Variants in TADA2A observed in about 807,000 individuals in gnomAD.
The protein encoded by TADA2A is transcriptional adaptor 2A.
In TADA2A, 38 loss-of-function variants were observed where a neutral mutation model predicts 67.4. The observed-to-expected ratio is 0.56, with a 90% CI of 0.44 to 0.74. The LOEUF is 0.74. TADA2A is among the 30% of genes least tolerant of loss of function. TADA2A has a pLI of 0.00. For missense variants in TADA2A, 454 were observed against 547.0 expected, an observed-to-expected ratio of 0.83 and a Z score of 1.70; for synonymous variants, 192 against 181.6, an observed-to-expected ratio of 1.06 and a Z score of -0.46.
At chr17:37,424,623 C>G (rs1213521311) in intron 3 of TADA2A, among the ~76,000 whole-genome samples, 1 of 152,138 alleles carries the variant, frequency 6.6e-6, no homozygotes, top group Non-Finnish European at 1.5e-5. Flanking sequence ...ATGGTGTGAT[C>G]TTGGCTCACC....
At chr17:37,452,694 G>A (rs1028820168) in intron 8 of TADA2A, among the ~76,000 whole-genome samples, 1 of 151,884 alleles carries the variant, frequency 6.6e-6, no homozygotes, top group Non-Finnish European at 1.5e-5. Flanking sequence ...GACAGGTATA[G>A]GCATTCTATG....
intron 8 of TADA2A, among the ~76,000 whole-genome samples, chr17:37,446,821 T>C (rs1284349512): frequency 6.6e-6 from 1 of 152,122 alleles, no homozygotes; most frequent in African/African-American, 2.4e-5. Context: ...ATAGTAATGG[T>C]CGGTGTTTAA....
At chr17:37,460,081 C>A (rs985566673) in intron 9 of TADA2A, among the ~76,000 whole-genome samples, 5 of 149,888 alleles carry the variant, frequency 3.3e-5, no homozygotes, top group African/African-American at 7.4e-5. Context: ...AGAAAAAAAA[C>A]CTTTTTTTTT....
rs1466124888 is a variant in TADA2A, at chr17:37,477,675, G to C, written c.*693G>C. 1 of 151,846 alleles carries C rather than the reference G, an allele frequency of 6.6e-6. No individual in the cohort carries two copies. Among genetic ancestry groups the C allele is most frequent in the Non-Finnish European group, 1.5e-5 (1 of 68,008 alleles). 9.4% of individuals were successfully genotyped at this position (151,846 alleles called of 1,614,324 possible). ...GACAGGGTTTTGTCATGTTGGCCAG[G>C]CTGGTCACAAACTCCTGACCTCAGG... is the stretch of plus-strand genomic sequence containing the variant. On this transcript the variant is annotated 3_prime_UTR_variant, in exon 16 of 16. Coordinates refer to ENST00000615182, the MANE Select transcript of TADA2A (RefSeq NM_001166105.3).
intron 2 of TADA2A, among the ~76,000 whole-genome samples, chr17:37,414,064 C>T (rs4602077): frequency 0.13 from 19,212 of 151,946 alleles, 1,415 homozygotes; most frequent in East Asian, 0.25. Flanking sequence ...GTTTTCTCTT[C>T]CTGTGTTAGT....
At chr17:37,442,542 G>A in intron 6 of TADA2A, 22 bp from the exon 7 acceptor site, 1 of 1,601,678 alleles carries the variant, frequency 6.2e-7, no homozygotes, top group African/African-American at 1.3e-5. Context: ...AGTTAACTCA[G>A]AAACCTTCTA....
Position 37,462,130 on chromosome 17 carries a change from TAGC to T in TADA2A, c.712+12_712+14del. ...CCTTAGAAAGTTTCAATGTAAGTAT[TAGC>T]AGTTTTCTTTATTTTACAATTTTTT... On this transcript the variant is annotated intron_variant, in intron 10 of 15. Coordinates refer to ENST00000615182, the MANE Select transcript of TADA2A (RefSeq NM_001166105.3). 6.6e-7 allele frequency: 1 copy of T among 1,521,796 alleles called. No homozygotes were observed. Among genetic ancestry groups the T allele is most frequent in the South Asian group, 1.2e-5 (1 of 83,116 alleles). The allele number at this position is 1,521,796 out of a possible 1,614,324, so 94.3% of individuals were successfully genotyped here.
intron 14 of TADA2A, among the ~76,000 whole-genome samples, chr17:37,472,138 T>C (rs1388504566): frequency 6.6e-6 from 1 of 152,016 alleles, no homozygotes; most frequent in East Asian, 1.9e-4. Context: ...CGATCTTGGC[T>C]CACTGCAACC....
At chr17:37,449,432 T>C (rs977989337) in intron 8 of TADA2A, among the ~76,000 whole-genome samples, 5 of 152,194 alleles carry the variant, frequency 3.3e-5, no homozygotes, top group African/African-American at 1.2e-4. Context: ...TCATATATAT[T>C]AAGTCATTTA....
chr17:37,460,926 T>C (rs1239589738), intron 9 of TADA2A, among the ~76,000 whole-genome samples: 1 of 151,274 alleles, frequency 6.6e-6, no homozygotes. Flanking sequence ...GCCTAGGAGT[T>C]CAAGGCCAGT....
intron 4 of TADA2A, among the ~76,000 whole-genome samples, chr17:37,431,174 A>G (rs553217261): frequency 2.6e-4 from 39 of 152,224 alleles, no homozygotes; most frequent in African/African-American, 8.7e-4. Context: ...AGATATACAC[A>G]AGAGAGAATG....
At chr17:37,435,179 G>A (rs960305909) in intron 4 of TADA2A, among the ~76,000 whole-genome samples, 1 of 152,164 alleles carries the variant, frequency 6.6e-6, no homozygotes, top group African/African-American at 2.4e-5. Context: ...CCTTTTCAAT[G>A]AACGATGTTA....
At chr17:37,455,953 C>T (rs1202294403) in intron 8 of TADA2A, among the ~76,000 whole-genome samples, 1 of 152,092 alleles carries the variant, frequency 6.6e-6, no homozygotes, top group East Asian at 1.9e-4. Context: ...CCTGTAATTC[C>T]AGCACTTCGA....
In TADA2A at chr17:37,467,576, C is replaced by G. The variant is rs376621937; in HGVS notation, c.895+51C>G. 2.1e-6 allele frequency: 3 copies of G among 1,432,422 alleles called. No individual in the cohort carries two copies. The African/African-American group carries it at 4.3e-5, about 20-fold the overall frequency. 88.7% of individuals were successfully genotyped at this position (1,432,422 alleles called of 1,614,324 possible). A position where few individuals can be genotyped will look rare whatever the true frequency, so the allele number is the denominator to read the frequency against. On this transcript the variant is annotated intron_variant, in intron 12 of 15. Coordinates refer to ENST00000615182, the MANE Select transcript of TADA2A (RefSeq NM_001166105.3). ...TACTTGAGGGCAAGTATCTTCCAGA[C>G]ACACAGAGGAAGTCTCTGAATTGTT... is the stretch of plus-strand genomic sequence containing the variant.
Position 37,458,509 on chromosome 17 carries a change from T to G in TADA2A, c.605-15T>G, listed in dbSNP as rs1459153257. The G allele has an allele frequency of 6.3e-7, 1 of 1,599,630 alleles. No individual in the cohort carries two copies. Among genetic ancestry groups the G allele is most frequent in the East Asian group, 2.2e-5 (1 of 44,670 alleles). ...ATGATATGTATATATAGTATATGTA[T>G]GAATTTATTTGTAGCTCTGAAGATG... On this transcript the variant is annotated splice_polypyrimidine_tract_variant and intron_variant, in intron 8 of 15. Coordinates refer to ENST00000615182, the MANE Select transcript of TADA2A (RefSeq NM_001166105.3).
At position 37,470,517 on chromosome 17, in the gene TADA2A, G is replaced by A. The variant is rs752708938; in HGVS notation, c.1013G>A (p.Arg338His). Residue 338 changes from arginine (R) to histidine (H), a missense_variant, in exon 13 of 16, where the codon CGC becomes CAC. This residue lies in a region of TADA2A where 403 missense variants were observed against 455.5 expected (regional missense o/e 0.88). Coordinates refer to ENST00000615182, the MANE Select transcript of TADA2A (RefSeq NM_001166105.3). Reference protein sequence around the residue: ...QDSSACQQWLRRQADIDSGLS... With the variant: ...QDSSACQQWLHRQADIDSGLS... ...AGTAGTGCTTGCCAGCAGTGGCTCC[G>A]CCGGCAAGCTGACATGTGAGTAATT... The A allele has an allele frequency of 1.6e-5, 25 of 1,567,602 alleles. No homozygotes were observed. Among genetic ancestry groups the A allele is most frequent in the South Asian group, 2.4e-5 (2 of 83,936 alleles).
intron 4 of TADA2A, among the ~76,000 whole-genome samples, chr17:37,432,736 T>C (rs746574179): frequency 1.2e-4 from 19 of 152,170 alleles, no homozygotes; most frequent in Admixed American, 7.9e-4. Flanking sequence ...TGCTGGGTCA[T>C]AGAGTAAATG....
intron 8 of TADA2A, among the ~76,000 whole-genome samples, chr17:37,446,696 A>G (rs576655479): frequency 1.3e-5 from 2 of 152,040 alleles, no homozygotes; most frequent in African/African-American, 2.4e-5. Context: ...TTTATTTTTT[A>G]CAGAATTTTA....
At chr17:37,442,929 G>A (rs1378399951) in intron 7 of TADA2A, among the ~76,000 whole-genome samples, 1 of 152,136 alleles carries the variant, frequency 6.6e-6, no homozygotes, top group Non-Finnish European at 1.5e-5. Context: ...TTTGGGAGCT[G>A]AGAATGGAGG....
Sources: gnomAD v4.1 joint callset for allele counts (sites outside exome capture counted in the v4.1 genomes callset) on GRCh38, gnomAD v4.1.1 for gene constraint, gnomAD v4.1.1 regional missense constraint, MANE v1.5 for transcripts, NCBI Gene and HGNC (gene_info 2026-07-23, HGNC 2026-07-21) for gene names.